Variants in FGD4 observed in about 807,000 individuals in gnomAD.
The protein encoded by FGD4 is FYVE, RhoGEF and PH domain-containing protein 4.
Under a neutral mutation model 102.0 loss-of-function variants are expected in FGD4, and 42 were observed. The ratio of observed to expected loss-of-function variants is 0.41; its 90% CI spans 0.32 to 0.53. The LOEUF is 0.53. Ranked by LOEUF, FGD4 falls within the 20% of genes least tolerant of loss-of-function variation. FGD4 has a pLI of 0.21. For synonymous variants in FGD4, 380 were observed against 375.7 expected (o/e 1.01, Z -0.13); for missense variants, 902 against 1,078.2 (o/e 0.84, Z 2.29).
Position 32,608,044 on chromosome 12 carries a change from G to T in FGD4, c.1492G>T (p.Asp498Tyr), listed in dbSNP as rs1948897893. The T allele has an allele frequency of 6.2e-7, 1 of 1,614,164 alleles. No homozygotes were observed. The highest frequency in any genetic ancestry group is 8.5e-7 in the Non-Finnish European group (1 of 1,179,994). ...RIPRYEMLLK[D>Y]YLRKLPPDSL... Reference sequence around the variant, plus strand: ...TCCCCGGTATGAGATGCTCCTTAAGGACTATCTAAGGAAATTGCCTCCTGA... The same window carrying T: ...TCCCCGGTATGAGATGCTCCTTAAGTACTATCTAAGGAAATTGCCTCCTGA... Residue 498 changes from aspartate to tyrosine, a missense_variant, in exon 8 of 17, where the codon GAC becomes TAC. Coordinates refer to ENST00000534526, the MANE Select transcript of FGD4 (RefSeq NM_001370298.3).
chr12:32,441,305 T>C (rs1026314203), intron 1 of FGD4, among the ~76,000 whole-genome samples: 10 of 152,146 alleles, frequency 6.6e-5, no homozygotes, highest in African/African-American at 2.4e-4. Context: ...CTCAGTGTAG[T>C]ACCTGGGTAT....
chr12:32,640,431 A>C lies in FGD4; in HGVS notation c.2610A>C (p.Lys870Asn), dbSNP rs770729087. The C allele has an allele frequency of 8.7e-6, 14 of 1,614,028 alleles. No homozygotes were observed. The highest frequency in any genetic ancestry group is 1.7e-5 in the Admixed American group (1 of 59,992). The change falls in exon 17 of 17, where the codon AAA (lysine) becomes AAC (asparagine). Residue 870 changes from lysine to asparagine, a missense_variant. Coordinates refer to ENST00000534526, the MANE Select transcript of FGD4 (RefSeq NM_001370298.3). Reference sequence around the variant, plus strand: ...AGGAACTGAAGCAGAAGTGGCTGAAAGTCATCCTTTTAGCTGTCACAGGTG... The same window carrying C: ...AGGAACTGAAGCAGAAGTGGCTGAACGTCATCCTTTTAGCTGTCACAGGTG... The part of the protein sequence containing the change: ...DSEELKQKWL[K>N]VILLAVTGET...
intron 2 of FGD4, among the ~76,000 whole-genome samples, chr12:32,571,654 G>A (rs1268487974): frequency 6.6e-6 from 1 of 152,052 alleles, no homozygotes; most frequent in Non-Finnish European, 1.5e-5. Flanking sequence ...TTTGAGGCAG[G>A]GTAGGAGGGC....
intron 1 of FGD4, among the ~76,000 whole-genome samples, chr12:32,413,077 C>CA (rs1323560640): frequency 2.0e-5 from 3 of 147,426 alleles, no homozygotes; most frequent in Admixed American, 6.8e-5. Flanking sequence ...ACTCTGTCTC[C>CA]AAAAAAAAAT....
At position 32,633,607 on chromosome 12, in the gene FGD4, T is replaced by C. The variant is rs1170708336; in HGVS notation, c.2231T>C (p.Leu744Ser). ...KAQLEYDGGK[L>S]SKVCKDCYQI... is the part of the protein sequence containing the mutation. The stretch of plus-strand genomic sequence containing the variant: ...CAACTTGAATATGATGGTGGTAAAT[T>C]GAGCAAAGTTTGTAAAGACTGTTAT... The change falls in exon 15 of 17, where the codon TTG becomes TCG. Residue 744 changes from leucine to serine, a missense_variant. By Grantham distance (145) the Leu-to-Ser change is moderately radical. This residue lies in a region of FGD4 where 459 missense variants were observed against 619.0 expected (regional missense o/e 0.74). Coordinates refer to ENST00000534526, the MANE Select transcript of FGD4 (RefSeq NM_001370298.3). 1 of 1,613,796 alleles carries C rather than the reference T, an allele frequency of 6.2e-7. No individual in the cohort carries two copies. Among genetic ancestry groups the C allele is most frequent in the Non-Finnish European group, 8.5e-7 (1 of 1,179,874 alleles).
intron 1 of FGD4, among the ~76,000 whole-genome samples, chr12:32,463,106 A>G (rs1281998160): frequency 6.6e-6 from 1 of 152,266 alleles, no homozygotes; most frequent in Non-Finnish European, 1.5e-5. Context: ...CTGGGCAACC[A>G]GTGTTGAACA....
chr12:32,481,127 C>CAAAAAAAAAAAAAAAAAAAAAAAA (rs1157108520), intron 1 of FGD4, among the ~76,000 whole-genome samples: 1 of 27,354 alleles, frequency 3.7e-5, no homozygotes, highest in Non-Finnish European at 5.6e-5. Context: ...GACTCCGTCT[C>CAAAAAAAAAAAAAAAAAAAAAAAA]AAAAAAAAAA....
chr12:32,512,360 T>C (rs921469577), intron 1 of FGD4, among the ~76,000 whole-genome samples: 1 of 151,706 alleles, frequency 6.6e-6, no homozygotes, highest in Admixed American at 6.6e-5. Flanking sequence ...GGCAGGAGAA[T>C]CGCTTGAACC....
At chr12:32,412,569 A>T (rs1173220195) in intron 1 of FGD4, among the ~76,000 whole-genome samples, 1 of 152,080 alleles carries the variant, frequency 6.6e-6, no homozygotes, top group Non-Finnish European at 1.5e-5. Context: ...TTGAACCCAG[A>T]AGTTCAGGAC....
chr12:32,614,765 A>G (rs886085132), intron 10 of FGD4, among the ~76,000 whole-genome samples: 2 of 152,266 alleles, frequency 1.3e-5, no homozygotes, highest in African/African-American at 2.4e-5. Flanking sequence ...CTGCATTGCC[A>G]TGGTAAAATT....
chr12:32,556,626 G>A (rs1944141770), intron 1 of FGD4, among the ~76,000 whole-genome samples: 1 of 152,122 alleles, frequency 6.6e-6, no homozygotes. Flanking sequence ...GGAGGCCAAG[G>A]TGGGTGGATC....
At chr12:32,431,839 T>C (rs948363047) in intron 1 of FGD4, among the ~76,000 whole-genome samples, 1 of 152,122 alleles carries the variant, frequency 6.6e-6, no homozygotes, top group African/African-American at 2.4e-5. Flanking sequence ...CATGAGTTAA[T>C]TGATACAATT....
rs1948275094 is a variant in FGD4, at chr12:32,600,143, A to T, written c.1102-1135A>T. 2.6e-5 allele frequency among the ~76,000 whole-genome samples: 4 copies of T among 152,200 alleles called. No individual in the cohort carries two copies. The South Asian group carries it at 8.3e-4, about 31-fold the overall frequency. ...TGGGTCACATATTCATTTTTGAAGG[A>T]ATTTCACCATAAGCCAAAATCAAAT... On this transcript the variant is annotated intron_variant, in intron 5 of 16. Coordinates refer to ENST00000534526, the MANE Select transcript of FGD4 (RefSeq NM_001370298.3).
intron 1 of FGD4, among the ~76,000 whole-genome samples, chr12:32,427,012 G>C (rs576867636): frequency 3.0e-4 from 46 of 151,386 alleles, no homozygotes; most frequent in African/African-American, 1.0e-3. Flanking sequence ...AAAAAAACCA[G>C]CTCCTGGATT....
chr12:32,417,955 CTTT>C (rs55826183), intron 1 of FGD4, among the ~76,000 whole-genome samples: 53 of 105,144 alleles, frequency 5.0e-4, no homozygotes, highest in Admixed American at 6.1e-4. Flanking sequence ...TGTCTTAGTT[CTTT>C]TTTTTTTTTT....
chr12:32,501,391 T>G (rs749594290), intron 1 of FGD4, among the ~76,000 whole-genome samples: 4 of 152,210 alleles, frequency 2.6e-5, no homozygotes, highest in Non-Finnish European at 5.9e-5. Context: ...TTCCAAGGAC[T>G]TAACCTCTGA....
At chr12:32,528,998 A>G (rs1941531472) in intron 1 of FGD4, among the ~76,000 whole-genome samples, 1 of 152,224 alleles carries the variant, frequency 6.6e-6, no homozygotes, top group African/African-American at 2.4e-5. Context: ...TCTGCTTTGA[A>G]GATTTGTACA....
intron 10 of FGD4, among the ~76,000 whole-genome samples, chr12:32,615,334 G>A (rs948482239): frequency 1.3e-5 from 2 of 152,136 alleles, no homozygotes; most frequent in Non-Finnish European, 2.9e-5. Context: ...AAATGGATAT[G>A]AGGTTTCCTT....
At chr12:32,579,039 G>GTTTTTT (rs35186090) in intron 3 of FGD4, among the ~76,000 whole-genome samples, 2,238 of 66,150 alleles carry the variant, frequency 0.034, 209 homozygotes, top group African/African-American at 0.045. Flanking sequence ...AACATTAGTG[G>GTTTTTT]TTTTTTTTTT....
Sources: allele counts gnomAD v4.1 joint callset (sites outside exome capture counted in the v4.1 genomes callset), GRCh38; gene constraint gnomAD v4.1.1; regional missense constraint gnomAD v4.1.1; transcripts MANE v1.5; gene names NCBI Gene and HGNC (gene_info 2026-07-23, HGNC 2026-07-21).